Variants in MAOB observed in about 807,000 individuals in gnomAD.
MAOB encodes the protein amine oxidase [flavin-containing] B.
MAOB carries 15 observed loss-of-function variants against 41.9 expected under a neutral mutation model. That is an observed-to-expected ratio of 0.36 (90% CI 0.24 to 0.55). The LOEUF is 0.55. Among genes scored for constraint, MAOB ranks in the 20% least tolerant of loss-of-function variants. The pLI, the probability that MAOB is intolerant of heterozygous loss-of-function variation, is 0.86. For synonymous variants in MAOB, 167 were observed against 144.2 expected, an observed-to-expected ratio of 1.16 and a Z score of -1.13; for missense variants, 345 against 398.7, an observed-to-expected ratio of 0.87 and a Z score of 1.15.
chrX:43,793,586 A>G lies in MAOB; in HGVS notation c.769-8T>C. ...ACTAATCACATATTTAGCCTGAAAG[A>G]AAAGCAACATGGTTAAACATTGTTG... is the stretch of plus-strand genomic sequence containing the variant. On this transcript the variant is annotated splice_polypyrimidine_tract_variant and splice_region_variant and intron_variant, in intron 7 of 14. Transcript: ENST00000378069. The G allele has an allele frequency of 8.4e-7, 1 of 1,187,903 alleles. No homozygotes were observed. The highest frequency in any genetic ancestry group is 1.1e-6 in the Non-Finnish European group (1 of 882,000).
chrX:43,770,502 T>C (rs2034169181), intron 12 of MAOB, among the ~76,000 whole-genome samples: 1 of 112,175 alleles, frequency 8.9e-6, no homozygotes, highest in South Asian at 3.7e-4. Flanking sequence ...AGCTAGTAAG[T>C]AGCAGAGTTG....
chrX:43,837,468 G>A (rs1388164282), intron 3 of MAOB, among the ~76,000 whole-genome samples: 1 of 112,383 alleles, frequency 8.9e-6, no homozygotes, highest in Non-Finnish European at 1.9e-5. Flanking sequence ...AAAGTGCAGG[G>A]ATTACAGGCG....
At chrX:43,851,102 T>C (rs1425528667) in intron 1 of MAOB, among the ~76,000 whole-genome samples, 1 of 112,052 alleles carries the variant, frequency 8.9e-6, no homozygotes, top group African/African-American at 3.2e-5. Context: ...TTGCTTTATC[T>C]CAACATAGTC....
chrX:43,777,993 G>A (rs984636007), intron 11 of MAOB, among the ~76,000 whole-genome samples: 1 of 110,756 alleles, frequency 9.0e-6, no homozygotes. Flanking sequence ...GTCACCAAAT[G>A]CCCCCTACCC....
At chrX:43,772,140 T>C (rs1430489552) in intron 12 of MAOB, among the ~76,000 whole-genome samples, 1 of 111,766 alleles carries the variant, frequency 8.9e-6, no homozygotes, top group Admixed American at 9.5e-5. Context: ...ATAAAACTTA[T>C]TGCAATATCT....
intron 3 of MAOB, among the ~76,000 whole-genome samples, chrX:43,806,793 T>C (rs930936090): frequency 5.3e-5 from 6 of 112,336 alleles, no homozygotes; most frequent in African/African-American, 1.6e-4. Flanking sequence ...AGTGGACATA[T>C]ATATGTGTTT....
At chrX:43,856,206 C>T (rs925631497) in intron 1 of MAOB, among the ~76,000 whole-genome samples, 1 of 110,673 alleles carries the variant, frequency 9.0e-6, no homozygotes, top group Non-Finnish European at 1.9e-5. Context: ...GCCTCAGCCT[C>T]CTGAGTAGCT....
At chrX:43,769,018 A>G (rs1027395540) in intron 13 of MAOB, among the ~76,000 whole-genome samples, 1 of 112,078 alleles carries the variant, frequency 8.9e-6, no homozygotes, top group African/African-American at 3.2e-5. Flanking sequence ...GAGTCCTAAT[A>G]GAAGCATGTT....
rs542063611 is a variant in MAOB, at chrX:43,789,862, A to C, written c.928+3557T>G. ...CTATGTACATGTGTATCAAAACATTATGAGGTACACCTTAAATATCTACAA... is the reference window on the plus strand; with the variant it reads ...CTATGTACATGTGTATCAAAACATTCTGAGGTACACCTTAAATATCTACAA... On this transcript the variant is annotated intron_variant, in intron 8 of 14. Transcript: ENST00000378069. Among the ~76,000 whole-genome samples, 60 of 112,183 alleles carry C rather than the reference A, an allele frequency of 5.3e-4. No individual in the cohort carries two copies. In the South Asian group the frequency reaches 0.014, roughly 27 times the overall value.
chrX:43,873,837 C>T (rs1294420485), intron 1 of MAOB, among the ~76,000 whole-genome samples: 9 of 110,767 alleles, frequency 8.1e-5, no homozygotes, highest in South Asian at 7.8e-4. Flanking sequence ...CCACCACGCC[C>T]GGCTAATTTT....
intron 1 of MAOB, among the ~76,000 whole-genome samples, chrX:43,878,323 CCTCGAG>C (rs1381570044): frequency 9.1e-6 from 1 of 110,061 alleles, no homozygotes; most frequent in Non-Finnish European, 1.9e-5. Flanking sequence ...CTCACTGCAG[CCTCGAG>C]CTCCTGGACT....
At chrX:43,840,195 G>A (rs2035117659) in intron 2 of MAOB, among the ~76,000 whole-genome samples, 1 of 112,113 alleles carries the variant, frequency 8.9e-6, no homozygotes, top group South Asian at 3.8e-4. Context: ...GTCAATAACA[G>A]ATAAGGCTTT....
chrX:43,793,938 C>T (rs1238476776), intron 7 of MAOB, among the ~76,000 whole-genome samples: 2 of 111,769 alleles, frequency 1.8e-5, no homozygotes, highest in East Asian at 5.7e-4. Context: ...TGCAGTGGTG[C>T]GATCTTGGCT....
intron 1 of MAOB, among the ~76,000 whole-genome samples, chrX:43,860,438 GA>G (rs2035324572): frequency 9.0e-6 from 1 of 111,184 alleles, no homozygotes; most frequent in African/African-American, 3.3e-5. Context: ...CAAAATCCAG[GA>G]ATTGTCCTTG....
intron 3 of MAOB, among the ~76,000 whole-genome samples, chrX:43,824,250 G>A (rs1000083105): frequency 7.1e-5 from 8 of 112,685 alleles, no homozygotes; most frequent in African/African-American, 2.6e-4. Flanking sequence ...CTTCACACAT[G>A]TGCTGCATTT....
intron 12 of MAOB, among the ~76,000 whole-genome samples, chrX:43,773,645 G>A (rs2034215406): frequency 8.9e-6 from 1 of 112,538 alleles, no homozygotes; most frequent in Non-Finnish European, 1.9e-5. Context: ...GACCCAGTGG[G>A]AGATGAGTGA....
chrX:43,802,185 G>A lies in MAOB; in HGVS notation c.463C>T (p.Leu155Phe), dbSNP rs201889071. 3 of 1,205,407 alleles carry A rather than the reference G, an allele frequency of 2.5e-6. No homozygotes were observed. Among genetic ancestry groups the A allele is most frequent in the East Asian group, 3.0e-5 (1 of 33,670 alleles). ...GGCAAGACTTACTCAGTCCAGCAGA[G>A]CTTGTCCAGTAGCTCCTTCATTGTC... Reference protein sequence around the residue: ...NMTMKELLDKLCWTESAKQLA... With the variant: ...NMTMKELLDKFCWTESAKQLA... Residue 155 changes from leucine (L) to phenylalanine (F), a missense_variant, in exon 5 of 15, where the codon CTC becomes TTC. Leu to Phe is a conservative substitution (Grantham distance 22, BLOSUM62 0). Transcript: ENST00000378069.
At position 43,871,510 on chromosome X, in the gene MAOB, A is replaced by T. The variant is rs184646149; in HGVS notation, c.46+10744T>A. Among the ~76,000 whole-genome samples the T allele has an allele frequency of 4.2e-4, 44 of 104,930 alleles. No homozygotes were observed. The East Asian group carries it at 0.012, about 28-fold the overall frequency. The allele number at this position is 104,930 out of a possible 115,157, so 91.1% of individuals were successfully genotyped here. A position where few individuals can be genotyped will look rare whatever the true frequency, so the allele number is the denominator to read the frequency against. On this transcript the variant is annotated intron_variant, in intron 1 of 14. Coordinates refer to ENST00000378069, the MANE Select transcript of MAOB (RefSeq NM_000898.5). ...CTCTTCTCTGTCTCATCTGATCCAG[A>T]TAAGCATGTCTTTCTCAGCACCCAC...
Position 43,819,521 on chromosome X carries a change from T to C in MAOB, c.280-16117A>G, listed in dbSNP as rs888743797. The stretch of plus-strand genomic sequence containing the variant: ...TGCCTTCTTGCCTTCCAACAATCAA[T>C]GGCTGTTGATCCCCACAGTACCCAC... On this transcript the variant is annotated intron_variant, in intron 3 of 14. Coordinates refer to ENST00000378069, the MANE Select transcript of MAOB (RefSeq NM_000898.5). 2.7e-5 allele frequency among the ~76,000 whole-genome samples: 3 copies of C among 111,590 alleles called. No homozygotes were observed. In the East Asian group the frequency reaches 8.5e-4, roughly 32 times the overall value.
Sources: allele counts gnomAD v4.1 joint callset (sites outside exome capture counted in the v4.1 genomes callset), GRCh38; gene constraint gnomAD v4.1.1; transcripts MANE v1.5; gene names NCBI Gene and HGNC (gene_info 2026-07-23, HGNC 2026-07-21).